ADGRB3: variants seen among roughly 807,000 people sequenced by gnomAD.
ADGRB3 encodes the protein adhesion G protein-coupled receptor B3.
In ADGRB3, 37 loss-of-function variants were observed where a neutral mutation model predicts 193.4. The observed-to-expected ratio is 0.19, with a 90% CI of 0.15 to 0.25. ADGRB3 has a LOEUF of 0.25. Among genes scored for constraint, ADGRB3 ranks in the 10% least tolerant of loss-of-function variants. The pLI, the probability that ADGRB3 is intolerant of heterozygous loss-of-function variation, is 1.00. For synonymous variants in ADGRB3, 690 were observed against 644.2 expected, an observed-to-expected ratio of 1.07 and a Z score of -1.08; for missense variants, 1,637 against 1,852.9, an observed-to-expected ratio of 0.88 and a Z score of 2.14.
chr6:68,857,171 AG>A (rs1765011987), intron 3 of ADGRB3, among the ~76,000 whole-genome samples: 1 of 152,220 alleles, frequency 6.6e-6, no homozygotes, highest in African/African-American at 2.4e-5. Context: ...AACCTCTGCT[AG>A]GGCAGTGTGG....
chr6:68,815,190 G>A (rs189477773), intron 3 of ADGRB3, among the ~76,000 whole-genome samples: 52 of 152,198 alleles, frequency 3.4e-4, no homozygotes, highest in Non-Finnish European at 6.0e-4. Context: ...CCAGTCCTTC[G>A]CGGCTCCTAC....
intron 16 of ADGRB3, among the ~76,000 whole-genome samples, chr6:69,069,641 G>T (rs1680544): frequency 7.2e-6 from 1 of 138,540 alleles, no homozygotes; most frequent in Admixed American, 7.6e-5. Flanking sequence ...TGAGGCAGGA[G>T]AATCGCTTGA....
At chr6:68,910,744 T>C (rs2150237089) in intron 3 of ADGRB3, among the ~76,000 whole-genome samples, 1 of 152,334 alleles carries the variant, frequency 6.6e-6, no homozygotes, top group East Asian at 1.9e-4. Flanking sequence ...CTGAGGGCTC[T>C]GTTCTGTTCC....
chr6:69,266,611 G>A (rs761711511), intron 20 of ADGRB3, among the ~76,000 whole-genome samples: 3 of 151,828 alleles, frequency 2.0e-5, no homozygotes, highest in Non-Finnish European at 4.4e-5. Context: ...TTTCCTATTA[G>A]ACTATTTTAA....
intron 17 of ADGRB3, among the ~76,000 whole-genome samples, chr6:69,131,853 A>G (rs1582485300): frequency 7.5e-6 from 1 of 133,494 alleles, no homozygotes; most frequent in South Asian, 2.3e-4. Context: ...TTCATCTCCC[A>G]CTTATGACAG....
rs537983538 is a variant in ADGRB3, at chr6:69,009,040, A to G, written c.1930-4998A>G. Reference sequence around the variant, plus strand: ...TATTGTTTTCTATTAAAAAAAATCCATGAATGCTTAGCCCATTTCCTTACA... The same window carrying G: ...TATTGTTTTCTATTAAAAAAAATCCGTGAATGCTTAGCCCATTTCCTTACA... On this transcript the variant is annotated intron_variant, in intron 11 of 31. Transcript: ENST00000370598. Among the ~76,000 whole-genome samples the G allele has an allele frequency of 4.6e-5, 7 of 152,172 alleles. No individual in the cohort carries two copies. In the South Asian group the frequency reaches 1.5e-3, roughly 32 times the overall value.
At chr6:69,234,326 T>C (rs1266458090) in intron 18 of ADGRB3, among the ~76,000 whole-genome samples, 1 of 152,196 alleles carries the variant, frequency 6.6e-6, no homozygotes, top group Non-Finnish European at 1.5e-5. Context: ...AATCTTTACA[T>C]ATGTTTTAAA....
At chr6:68,651,682 A>T (rs1003526697) in intron 3 of ADGRB3, among the ~76,000 whole-genome samples, 7 of 152,082 alleles carry the variant, frequency 4.6e-5, no homozygotes, top group Non-Finnish European at 1.0e-4. Flanking sequence ...TAGCAGTGGA[A>T]CCTTTTTTTC....
chr6:69,056,568 T>A (rs1275310681), intron 15 of ADGRB3, among the ~76,000 whole-genome samples: 1 of 152,208 alleles, frequency 6.6e-6, no homozygotes, highest in Non-Finnish European at 1.5e-5. Flanking sequence ...TGAATGTATT[T>A]CTCTATGTTT....
intron 20 of ADGRB3, among the ~76,000 whole-genome samples, chr6:69,260,277 A>G (rs370782525): frequency 6.6e-6 from 1 of 152,168 alleles, no homozygotes; most frequent in Non-Finnish European, 1.5e-5. Flanking sequence ...TGGTAAACCT[A>G]TATACTTTCA....
chr6:68,864,994 T>C (rs1187531903), intron 3 of ADGRB3, among the ~76,000 whole-genome samples: 2 of 152,154 alleles, frequency 1.3e-5, no homozygotes, highest in Non-Finnish European at 2.9e-5. Context: ...TTTTGACCTG[T>C]TGAAGAATTT....
intron 20 of ADGRB3, among the ~76,000 whole-genome samples, chr6:69,307,329 C>T (rs1768086987): frequency 6.6e-6 from 1 of 151,504 alleles, no homozygotes; most frequent in Non-Finnish European, 1.5e-5. Flanking sequence ...CACATTTATG[C>T]CACATGCTGT....
chr6:69,192,433 C>T (rs1765210797), intron 17 of ADGRB3, among the ~76,000 whole-genome samples: 2 of 152,118 alleles, frequency 1.3e-5, no homozygotes, highest in Non-Finnish European at 2.9e-5. Context: ...GAGGGTGGGT[C>T]TGCCTCTCCC....
intron 3 of ADGRB3, among the ~76,000 whole-genome samples, chr6:68,847,482 A>G (rs2127389550): frequency 6.6e-6 from 1 of 152,244 alleles, no homozygotes; most frequent in Non-Finnish European, 1.5e-5. Context: ...GAGGTGATTG[A>G]ATCATTGTTG....
chr6:68,952,895 A>G (rs1388147835), intron 6 of ADGRB3, among the ~76,000 whole-genome samples: 1 of 152,172 alleles, frequency 6.6e-6, no homozygotes, highest in Non-Finnish European at 1.5e-5. Context: ...CTTAAGCTTT[A>G]ACATTAACAC....
At chr6:69,324,306 T>C (rs1161277279) in intron 20 of ADGRB3, among the ~76,000 whole-genome samples, 32 of 152,184 alleles carry the variant, frequency 2.1e-4, no homozygotes, top group Admixed American at 2.0e-3. Flanking sequence ...AAAATACATA[T>C]TTTATTTTTG....
intron 20 of ADGRB3, among the ~76,000 whole-genome samples, chr6:69,273,748 A>G (rs1767230273): frequency 6.6e-6 from 1 of 152,222 alleles, no homozygotes; most frequent in African/African-American, 2.4e-5. Context: ...TGGAAGGTTT[A>G]CAGGGACTTC....
At chr6:68,671,450 G>A (rs1261466528) in intron 3 of ADGRB3, among the ~76,000 whole-genome samples, 5 of 151,780 alleles carry the variant, frequency 3.3e-5, no homozygotes, top group Admixed American at 6.6e-5. Flanking sequence ...GTTTTCTGAG[G>A]GTTTTTATCA....
intron 17 of ADGRB3, among the ~76,000 whole-genome samples, chr6:69,166,532 A>C (rs1273421697): frequency 6.6e-6 from 1 of 152,150 alleles, no homozygotes; most frequent in African/African-American, 2.4e-5. Flanking sequence ...TGATAGGTAC[A>C]TTCACTCCTT....
Sources: allele counts gnomAD v4.1 joint callset (sites outside exome capture counted in the v4.1 genomes callset), GRCh38; gene constraint gnomAD v4.1.1; transcripts MANE v1.5; gene names NCBI Gene and HGNC (gene_info 2026-07-23, HGNC 2026-07-21).